The following CYB561A3 variants were observed in gnomAD, a reference collection of about 807,000 sequenced individuals.
CYB561A3 encodes the protein cytochrome b561 family member A3.
In CYB561A3, 16 loss-of-function variants were observed where a neutral mutation model predicts 25.3. The observed-to-expected ratio is 0.63, with a 90% CI of 0.43 to 0.96. CYB561A3 has a LOEUF of 0.96. Ranked by LOEUF, CYB561A3 falls within the 40% of genes least tolerant of loss-of-function variation. The pLI is 0.00. For missense variants in CYB561A3, 219 were observed against 307.5 expected, an observed-to-expected ratio of 0.71 and a Z score of 2.15; for synonymous variants, 131 against 129.9, an observed-to-expected ratio of 1.01 and a Z score of -0.06.
chr11:61,354,308 G>T, intron 3 of CYB561A3: 1 of 378,886 alleles, frequency 2.6e-6, no homozygotes, highest in South Asian at 2.7e-5. Flanking sequence ...AGTGAGCTAT[G>T]ATCATGCCAC....
chr11:61,357,080 C>A (rs1237935644), intron 2 of CYB561A3: 9 of 1,409,070 alleles, frequency 6.4e-6, no homozygotes, highest in Non-Finnish European at 8.8e-6. Flanking sequence ...CCACCCCATA[C>A]CCCCCAGGAA....
intron 2 of CYB561A3, chr11:61,357,187 A>G (rs1406462267): frequency 1.9e-6 from 3 of 1,551,374 alleles, no homozygotes; most frequent in Non-Finnish European, 2.6e-6. Flanking sequence ...GAAAAGAGCA[A>G]ACACCCCACT....
rs1348757486 is a variant in CYB561A3 at position 61,357,027 on chromosome 11, C to T, written c.-15-299G>A. The T allele has an allele frequency of 3.4e-6, 5 of 1,453,876 alleles. No individual in the cohort carries two copies. In the South Asian group the frequency reaches 3.8e-5, roughly 11 times the overall value. 90.1% of individuals were successfully genotyped at this position (1,453,876 alleles called of 1,614,324 possible). On this transcript the variant is annotated intron_variant, in intron 2 of 6. Transcript: ENST00000294072. ...ATGCCAAGGCCCAAGACCCAGAGTC[C>T]TGGGATTCCTCTCCCCTCACAGGAC...
chr11:61,349,247 TGGGCCAGGCAAGCAGCCATGGTG>T lies in CYB561A3; in HGVS notation c.*1129_*1151del. Reference sequence around the variant, plus strand: ...TCTAGCATGGCACAGAACGCTAGGTTGGGCCAGGCAAGCAGCCATGGTGGGGCCAGGTGAAGCAATGTGGGTCT... The same window carrying T: ...TCTAGCATGGCACAGAACGCTAGGTTGGGCCAGGTGAAGCAATGTGGGTCT... On this transcript the variant is annotated 3_prime_UTR_variant, in exon 7 of 7. Transcript: ENST00000294072. The T allele has an allele frequency of 2.6e-6, 1 of 383,598 alleles. No individual in the cohort carries two copies. Among genetic ancestry groups the T allele is most frequent in the Admixed American group, 3.6e-5 (1 of 27,850 alleles). 23.8% of individuals were successfully genotyped at this position (383,598 alleles called of 1,614,324 possible).
intron 1 of CYB561A3, chr11:61,361,086 T>C (rs1207783112): frequency 6.6e-6 from 1 of 152,222 alleles, no homozygotes; most frequent in Middle Eastern, 3.2e-3. Context: ...AATCAGTTTG[T>C]TGCTCTCCCT....
At chr11:61,356,845 T>C in intron 2 of CYB561A3, 117 bp from the exon 3 acceptor site, 3 of 1,476,138 alleles carry the variant, frequency 2.0e-6, no homozygotes, top group Non-Finnish European at 2.7e-6. Context: ...TTGCTTCAGT[T>C]CCCCTGCATC....
chr11:61,356,269 GCAAAACTGAAATATTTATCTGA>G (rs1857650259), intron 3 of CYB561A3: 3 of 480,266 alleles, frequency 6.2e-6, no homozygotes, highest in Non-Finnish European at 1.1e-5. Context: ...ATTCTGTCTT[GCAAAACTGAAATATTTATCTGA>G]CCCTCTATAG....
chr11:61,354,788 TGTCAACACAG>T (rs529019124), intron 3 of CYB561A3: 146 of 152,272 alleles, frequency 9.6e-4, no homozygotes, highest in African/African-American at 3.2e-3. Context: ...TGAGGCTGGC[TGTCAACACAG>T]GTACTAAGGT....
intron 5 of CYB561A3, 43 bp downstream of exon 5, chr11:61,352,942 T>C (rs938980431): frequency 1.2e-5 from 19 of 1,613,834 alleles, no homozygotes; most frequent in Non-Finnish European, 1.5e-5. Flanking sequence ...AAGACCCTAT[T>C]CCCTCCTCTT....
At chr11:61,352,828 C>T in intron 5 of CYB561A3, 157 bp downstream of exon 5, 1 of 1,463,112 alleles carries the variant, frequency 6.8e-7, no homozygotes, top group Non-Finnish European at 9.0e-7. Context: ...CCAATTTCAA[C>T]CTAAAGAAAG....
rs1857276979 is a variant in CYB561A3, at chr11:61,349,111, G to A, written c.*1288C>T. ...CACAGCAGTCTGAAGCTTGGGACCT[G>A]GCAGTGCGTCTTTGGAGAAGGCAAA... On this transcript the variant is annotated 3_prime_UTR_variant, in exon 7 of 7. Coordinates refer to ENST00000294072, the MANE Select transcript of CYB561A3 (RefSeq NM_153611.6). 1 of 181,300 alleles carries A rather than the reference G, an allele frequency of 5.5e-6. No individual in the cohort carries two copies. Among genetic ancestry groups the A allele is most frequent in the Non-Finnish European group, 1.2e-5 (1 of 83,810 alleles). 11.2% of individuals were successfully genotyped at this position (181,300 alleles called of 1,614,324 possible).
At chr11:61,350,889 G>A (rs1414646720) in intron 6 of CYB561A3, 102 bp downstream of exon 6, 2 of 1,468,632 alleles carry the variant, frequency 1.4e-6, no homozygotes, top group African/African-American at 1.4e-5. Flanking sequence ...TTCCTGCTGT[G>A]CCACAGGGTA....
In CYB561A3 at chr11:61,351,141, G is replaced by A; in HGVS notation, c.555C>T (p.Asn185=). ...INEKLFFSLK[N]TTRPYHSLPS... ...GCAGGCTGTGGTATGGCCTGGTGGT[G>A]TTTTTCCTGAAGATGACAAAACAAT... Residue 185 remains asparagine, a synonymous_variant, in exon 6 of 7, where the codon AAC becomes AAT. Transcript: ENST00000294072. 1 of 1,606,838 alleles carries A rather than the reference G, an allele frequency of 6.2e-7. No homozygotes were observed. The highest frequency in any genetic ancestry group is 2.2e-5 in the East Asian group (1 of 44,744).
At chr11:61,355,692 A>G (rs1857624413) in intron 3 of CYB561A3, among the ~76,000 whole-genome samples, 1 of 151,378 alleles carries the variant, frequency 6.6e-6, no homozygotes, top group South Asian at 2.1e-4. Flanking sequence ...AAAAAAAGAA[A>G]AAAAAAAAAA....
intron 3 of CYB561A3, 45 bp downstream of exon 3, chr11:61,356,485 C>A: frequency 6.4e-7 from 1 of 1,561,476 alleles, no homozygotes; most frequent in South Asian, 1.2e-5. Context: ...GCAGCTTTGT[C>A]CAGCCTGAGC....
At chr11:61,357,191 C>T (rs1008528292) in intron 2 of CYB561A3, 2 of 1,551,530 alleles carry the variant, frequency 1.3e-6, no homozygotes, top group African/African-American at 2.7e-5. Context: ...AGAGCAAACA[C>T]CCCACTATTA....
Position 61,356,504 on chromosome 11 carries a change from G to A in CYB561A3, c.184+26C>T, listed in dbSNP as rs368860318. 495 of 1,391,758 alleles carry A rather than the reference G, an allele frequency of 3.6e-4. 1 individual carries two copies. The highest frequency in any genetic ancestry group is 4.4e-4 in the Non-Finnish European group (456 of 1,040,026). 86.2% of individuals were successfully genotyped at this position (1,391,758 alleles called of 1,614,324 possible). The stretch of plus-strand genomic sequence containing the variant: ...CTTTGTCCAGCCTGAGCCCTATCCC[G>A]CCTCCCTTCCTGACCTCTTACTCAC... On this transcript the variant is annotated intron_variant, in intron 3 of 6. Transcript: ENST00000294072.
At chr11:61,355,737 T>G (rs915743502) in intron 3 of CYB561A3, among the ~76,000 whole-genome samples, 32 of 150,396 alleles carry the variant, frequency 2.1e-4, no homozygotes, top group South Asian at 6.3e-4. Context: ...AGTCCCTCAT[T>G]CGGTGGCCTG....
chr11:61,355,852 G>A (rs1407014186), intron 3 of CYB561A3, among the ~76,000 whole-genome samples: 1 of 152,068 alleles, frequency 6.6e-6, no homozygotes, highest in Non-Finnish European at 1.5e-5. Context: ...CACTTCAGGA[G>A]GCTGAGGTGG....
Sources: allele counts gnomAD v4.1 joint callset (sites outside exome capture counted in the v4.1 genomes callset), GRCh38; gene constraint gnomAD v4.1.1; transcripts MANE v1.5; gene names NCBI Gene and HGNC (gene_info 2026-07-23, HGNC 2026-07-21).